The following TTN variants were observed in gnomAD, a reference collection of about 807,000 sequenced individuals.
TTN encodes the protein connectin.
Under a neutral mutation model 3,223.0 loss-of-function variants are expected in TTN, and 1,525 were observed. That is an observed-to-expected ratio of 0.47 (90% CI 0.45 to 0.49). The LOEUF (loss-of-function observed/expected upper bound fraction) is 0.49, where lower values mean the gene tolerates loss of function less well. Ranked by LOEUF, TTN falls within the 20% of genes least tolerant of loss-of-function variation. TTN has a pLI of 0.00. For synonymous variants in TTN, 14,094 were observed against 15,161.0 expected, an observed-to-expected ratio of 0.93 and a Z score of 5.17; for missense variants, 40,786 against 43,424.0, an observed-to-expected ratio of 0.94 and a Z score of 5.40.
intron 13 of TTN, among the ~76,000 whole-genome samples, chr2:178,788,674 T>C (rs1401828879): frequency 6.6e-6 from 1 of 152,070 alleles, no homozygotes; most frequent in East Asian, 1.9e-4. Flanking sequence ...TTGGAGTAAA[T>C]GACAGAGTCA....
chr2:178,621,610 C>T lies in TTN; in HGVS notation c.45214G>A (p.Glu15072Lys), dbSNP rs963923376. 2.5e-6 allele frequency: 4 copies of T among 1,612,544 alleles called. No homozygotes were observed. Among genetic ancestry groups the T allele is most frequent in the South Asian group, 2.2e-5 (2 of 91,060 alleles). Residue 15072 changes from glutamate (E) to lysine (K), a missense_variant, in exon 245 of 363, where the codon GAA (glutamate) becomes AAA (lysine). Transcript: ENST00000589042. ...IWYKGDEEIIETGRYEILTEG... is the reference protein window; with the variant it reads ...IWYKGDEEIIKTGRYEILTEG... ...GTCAGTATTTCATATCTTCCTGTTTCAATGATCTCCTCATCCCCTTTATAC... is the reference window on the plus strand; with the variant it reads ...GTCAGTATTTCATATCTTCCTGTTTTAATGATCTCCTCATCCCCTTTATAC...
rs183245562 is a variant in TTN, at chr2:178,621,219, C to T, written c.45499G>A (p.Val15167Ile). ...ACCCTCTTTTTACCATCAGCAATAA[C>T]GTCATATTTATCTCCAGATTCAAGT... Reference protein sequence around the residue: ...KTLESGDKYDVIADGKKRVLV... With the variant: ...KTLESGDKYDIIADGKKRVLV... Residue 15167 changes from valine (V) to isoleucine (I), a missense_variant, in exon 246 of 363, where the codon GTT (valine) becomes ATT (isoleucine). By Grantham distance (29) the Val-to-Ile change is conservative (BLOSUM62 3). Transcript: ENST00000589042. 248 of 1,612,320 alleles carry T rather than the reference C, an allele frequency of 1.5e-4. No homozygotes were observed. The African/African-American group carries it at 2.7e-3, about 17-fold the overall frequency.
chr2:178,801,808 T>C (rs1267194798), intron 3 of TTN, among the ~76,000 whole-genome samples: 1 of 152,222 alleles, frequency 6.6e-6, no homozygotes, highest in African/African-American at 2.4e-5. Flanking sequence ...CTGGAGAATA[T>C]GTCTTATTCC....
rs200749662 is a variant in TTN at position 178,780,113 on chromosome 2, C to T, written c.3616G>A (p.Ala1206Thr). The T allele has an allele frequency of 6.2e-7, 1 of 1,613,744 alleles. No individual in the cohort carries two copies. ...FVQEPKVGET[A>T]PGFVYSEYEK... is the part of the protein sequence containing the mutation. ...TACTCAGAGTATACAAATCCAGGTG[C>T]TGTTTCTCCAACTTTAGGTTCTTGA... The change falls in exon 22 of 363, where the codon GCA becomes ACA. Residue 1206 changes from alanine to threonine, a missense_variant. Coordinates refer to ENST00000589042, the MANE Select transcript of TTN (RefSeq NM_001267550.2).
In TTN at chr2:178,530,283, A is replaced by C; in HGVS notation, c.106332T>G (p.Thr35444=). The change falls in exon 358 of 363, where the codon ACT becomes ACG. Residue 35444 remains threonine, a synonymous_variant. Coordinates refer to ENST00000589042, the MANE Select transcript of TTN (RefSeq NM_001267550.2). ...DSVAKFAVKA[T]GEPRPTAIWT... Reference sequence around the variant, plus strand: ...AGATGGCAGTTGGCCGGGGTTCTCCAGTAGCCTTAACTGCAAATTTAGCAA... The same window carrying C: ...AGATGGCAGTTGGCCGGGGTTCTCCCGTAGCCTTAACTGCAAATTTAGCAA... 6.2e-7 allele frequency: 1 copy of C among 1,612,336 alleles called. No homozygotes were observed. The highest frequency in any genetic ancestry group is 8.5e-7 in the Non-Finnish European group (1 of 1,178,656).
chr2:178,710,816 C>G lies in TTN; in HGVS notation c.28281G>C (p.Lys9427Asn). ...ECHVTGTQPI[K>N]VSWAKDSREI... Reference sequence around the variant, plus strand: ...CTCTGCTGTCTTTGGCCCAGCTGACCTTTATCGGTTGTGTGCCCGTGACGT... The same window carrying G: ...CTCTGCTGTCTTTGGCCCAGCTGACGTTTATCGGTTGTGTGCCCGTGACGT... Residue 9427 changes from lysine to asparagine, a missense_variant, in exon 98 of 363, where the codon AAG (lysine) becomes AAC (asparagine). Lys to Asn is a moderately conservative substitution (Grantham distance 94, BLOSUM62 0). Coordinates refer to ENST00000589042, the MANE Select transcript of TTN (RefSeq NM_001267550.2). The G allele has an allele frequency of 6.2e-7, 1 of 1,613,880 alleles. No homozygotes were observed. Among genetic ancestry groups the G allele is most frequent in the Non-Finnish European group, 8.5e-7 (1 of 1,179,834 alleles).
At position 178,768,039 on chromosome 2, in the gene TTN, C is replaced by T. The variant is rs1228717391; in HGVS notation, c.9280G>A (p.Asp3094Asn). The change falls in exon 39 of 363, where the codon GAC becomes AAC. Residue 3094 changes from aspartate to asparagine, a missense_variant. Asp to Asn is a conservative substitution (Grantham distance 23). Transcript: ENST00000589042. ...CTGTCTGTGATCTGCAGTTCCTGGT[C>T]ATCTTTCATCCACTGTACAGTGATG... The part of the protein sequence containing the change: ...PDITVQWMKD[D>N]QELQITDRIK... 6.2e-7 allele frequency: 1 copy of T among 1,614,122 alleles called. No individual in the cohort carries two copies. The highest frequency in any genetic ancestry group is 2.2e-5 in the East Asian group (1 of 44,858).
At position 178,555,092 on chromosome 2, in the gene TTN, G is replaced by A. The variant is rs1468721085; in HGVS notation, c.88367C>T (p.Thr29456Ile). Residue 29456 changes from threonine (T) to isoleucine (I), a missense_variant, in exon 331 of 363, where the codon ACA becomes ATA. Physicochemically the swap from Thr to Ile is moderately conservative, Grantham distance 89 (BLOSUM62 -1). Transcript: ENST00000589042. The part of the protein sequence containing the change: ...YTEVVKYRAG[T>I]SVKLRAGISG... ...AATGCCAGCTCTGAGCTTCACAGAT[G>A]TACCTGCTCTGTATTTGACAACTTC... The A allele has an allele frequency of 1.9e-6, 3 of 1,613,628 alleles. No individual in the cohort carries two copies. The highest frequency in any genetic ancestry group is 1.3e-5 in the African/African-American group (1 of 74,898).
At chr2:178,746,863 A>C (rs758627028) in intron 47 of TTN, 4 of 1,613,468 alleles carry the variant, frequency 2.5e-6, no homozygotes, top group Non-Finnish European at 3.4e-6. Context: ...GAGGCATTTC[A>C]TTGTCTTTTG....
Position 178,600,830 on chromosome 2 carries a change from CTTTGTCAGTACA to C in TTN, c.56050+12_56050+23del. ...GGAAGGCAGCTGTAAGGAGGACATT[CTTTGTCAGTACA>C]TTGGTACTTACATGTCTGGTCTTTG... On this transcript the variant is annotated intron_variant, in intron 288 of 362. Coordinates refer to ENST00000589042, the MANE Select transcript of TTN (RefSeq NM_001267550.2). 1.2e-6 allele frequency: 2 copies of C among 1,612,468 alleles called. No individual in the cohort carries two copies. Among genetic ancestry groups the C allele is most frequent in the Non-Finnish European group, 1.7e-6 (2 of 1,178,954 alleles).
In TTN at chr2:178,685,251, A is replaced by G; in HGVS notation, c.32470+2T>C. On this transcript the variant is annotated splice_donor_variant, in intron 129 of 362. Transcript: ENST00000589042. LOFTEE classifies it high-confidence loss of function. ...GTTGCATTTCTTTGAAAGAAATCATACCTTTAGCCGGTGGAGGCTCCTCTA... is the reference window on the plus strand; with the variant it reads ...GTTGCATTTCTTTGAAAGAAATCATGCCTTTAGCCGGTGGAGGCTCCTCTA... 6.5e-7 allele frequency: 1 copy of G among 1,535,604 alleles called. No homozygotes were observed. Among genetic ancestry groups the G allele is most frequent in the South Asian group, 1.3e-5 (1 of 79,532 alleles).
In TTN at chr2:178,612,131, C is replaced by A; in HGVS notation, c.50280G>T (p.Val16760=). The part of the protein sequence containing the change: ...TTPGPPYALA[V]VDVTKRHVDL... ...CAACATGTCGTTTTGTCACATCAAC[C>A]ACTGCCAGGGCGTAGGGTGGTCCAG... Residue 16760 remains valine, a synonymous_variant, in exon 267 of 363, where the codon GTG becomes GTT. Transcript: ENST00000589042. 6.2e-7 allele frequency: 1 copy of A among 1,611,806 alleles called. No homozygotes were observed. Among genetic ancestry groups the A allele is most frequent in the Non-Finnish European group, 8.5e-7 (1 of 1,178,912 alleles).
rs1387550627 is a variant in TTN, at chr2:178,768,888, T to C, written c.8948A>G (p.Lys2983Arg). 6.2e-7 allele frequency: 1 copy of C among 1,613,970 alleles called. No homozygotes were observed. Among genetic ancestry groups the C allele is most frequent in the Non-Finnish European group, 8.5e-7 (1 of 1,180,018 alleles). Residue 2983 changes from lysine to arginine, a missense_variant, in exon 38 of 363, where the codon AAA (lysine) becomes AGA (arginine). Lys to Arg is a conservative substitution (Grantham distance 26). Coordinates refer to ENST00000589042, the MANE Select transcript of TTN (RefSeq NM_001267550.2). ...SMLKDINAEE[K>R]DTITFEVTVN... ...TGTCACCTCAAAAGTAATAGTGTCT[T>C]TTTCTTCAGCGTTGATGTCTTTCAG... is the stretch of plus-strand genomic sequence containing the variant.
chr2:178,691,297 T>C (rs2072350562), intron 121 of TTN, among the ~76,000 whole-genome samples: 1 of 152,180 alleles, frequency 6.6e-6, no homozygotes, highest in African/African-American at 2.4e-5. Context: ...CTTCAGTGCT[T>C]CAATAAGATA....
rs1458321606 is a variant in TTN at position 178,573,711 on chromosome 2, C to T, written c.72421G>A (p.Val24141Ile). Residue 24141 changes from valine to isoleucine, a missense_variant, in exon 326 of 363, where the codon GTA becomes ATA. Physicochemically the swap from Val to Ile is conservative, Grantham distance 29. Coordinates refer to ENST00000589042, the MANE Select transcript of TTN (RefSeq NM_001267550.2). ...TCCAGTGGAGGGAACCATGATAGTA[C>T]ACACTTTTCTGATGTCACTTCAGTT... is the stretch of plus-strand genomic sequence containing the variant. Reference protein sequence around the residue: ...AVTEVTSEKCVLSWFPPLDDG... With the variant: ...AVTEVTSEKCILSWFPPLDDG... 6.5e-7 allele frequency: 1 copy of T among 1,544,936 alleles called. No homozygotes were observed. Among genetic ancestry groups the T allele is most frequent in the African/African-American group, 1.4e-5 (1 of 72,566 alleles).
intron 32 of TTN, 40 bp from the exon 33 acceptor site, chr2:178,773,409 C>A (rs561681646): frequency 5.6e-6 from 9 of 1,613,792 alleles, no homozygotes. Context: ...TATTGTTACA[C>A]TGGGAAAGTA....
Position 178,621,462 on chromosome 2 carries a change from G to T in TTN, c.45349+13C>A. ...TGTTAGAAATAAAAGATTATTCACT[G>T]TAGTTTTCATACCATGTACTTTGAC... On this transcript the variant is annotated intron_variant, in intron 245 of 362. Coordinates refer to ENST00000589042, the MANE Select transcript of TTN (RefSeq NM_001267550.2). 6.2e-7 allele frequency: 1 copy of T among 1,610,446 alleles called. No individual in the cohort carries two copies. Among genetic ancestry groups the T allele is most frequent in the South Asian group, 1.1e-5 (1 of 90,624 alleles).
In TTN at chr2:178,580,237, A is replaced by T. The variant is rs778432606; in HGVS notation, c.67058-8T>A. 6.2e-7 allele frequency: 1 copy of T among 1,610,084 alleles called. No individual in the cohort carries two copies. The highest frequency in any genetic ancestry group is 8.5e-7 in the Non-Finnish European group (1 of 1,178,846). On this transcript the variant is annotated splice_polypyrimidine_tract_variant and splice_region_variant and intron_variant, in intron 317 of 362. Transcript: ENST00000589042. ...CAGGTGGCCCAGGAGTATCTGGATA[A>T]ATAGTAGGTAAATAAGAAATGAATG...
chr2:178,759,019 C>A lies in TTN; in HGVS notation c.10268G>T (p.Gly3423Val). The A allele has an allele frequency of 6.2e-7, 1 of 1,613,970 alleles. No homozygotes were observed. The highest frequency in any genetic ancestry group is 1.1e-5 in the South Asian group (1 of 91,086). Reference protein sequence around the residue: ...TYTFVASNAVGQVSSTANLSL... With the variant: ...TYTFVASNAVVQVSSTANLSL... ...CAGGTTGGCTGTGCTTGATACTTGG[C>A]CTACAGCATTACTAGCAACAAACGT... Residue 3423 changes from glycine (G) to valine (V), a missense_variant, in exon 44 of 363, where the codon GGC (glycine) becomes GTC (valine). Physicochemically the swap from Gly to Val is moderately radical, Grantham distance 109. Coordinates refer to ENST00000589042, the MANE Select transcript of TTN (RefSeq NM_001267550.2).
Sources: allele counts gnomAD v4.1 joint callset (sites outside exome capture counted in the v4.1 genomes callset), GRCh38; gene constraint gnomAD v4.1.1; transcripts MANE v1.5; gene names NCBI Gene and HGNC (gene_info 2026-07-23, HGNC 2026-07-21).